CDKL1: variants seen among roughly 807,000 people sequenced by gnomAD.
CDKL1 encodes cyclin-dependent kinase-like 1.
In CDKL1, 41 loss-of-function variants were observed where a neutral mutation model predicts 42.0. The ratio of observed to expected loss-of-function variants is 0.98; its 90% confidence interval spans 0.76 to 1.27. The LOEUF (loss-of-function observed/expected upper bound fraction) is 1.27. Among genes scored for constraint, CDKL1 ranks in the 50% most tolerant of loss-of-function variants. The pLI, the probability that CDKL1 is intolerant of heterozygous loss-of-function variation, is 0.00. For synonymous variants in CDKL1, 153 were observed against 158.6 expected, an observed-to-expected ratio of 0.96 and a Z score of 0.26; for missense variants, 394 against 428.4, an observed-to-expected ratio of 0.92 and a Z score of 0.71.
At chr14:50,344,211 C>T (rs924677228) in intron 4 of CDKL1, among the ~76,000 whole-genome samples, 3 of 152,216 alleles carry the variant, frequency 2.0e-5, no homozygotes, top group East Asian at 1.9e-4. Context: ...CACAGGCTTT[C>T]GATAGGTTGC....
At chr14:50,335,316 AAAAAG>A (rs2033202704) in intron 7 of CDKL1, 7 of 569,204 alleles carry the variant, frequency 1.2e-5, no homozygotes, top group East Asian at 9.2e-5. Context: ...AAAAAAAAAA[AAAAAG>A]GCAGCTCTAA....
At chr14:50,332,226 C>A in intron 9 of CDKL1, 36 bp downstream of exon 9, 1 of 1,614,180 alleles carries the variant, frequency 6.2e-7, no homozygotes, top group Middle Eastern at 1.6e-4. Flanking sequence ...ACTCTCTGTA[C>A]CAGGTGGCAG....
At chr14:50,394,147 C>T (rs770910686) in intron 2 of CDKL1, among the ~76,000 whole-genome samples, 25 of 152,212 alleles carry the variant, frequency 1.6e-4, no homozygotes, top group Admixed American at 5.9e-4. Context: ...TATCTTTCTG[C>T]AAGAAACAGA....
At chr14:50,379,060 C>T (rs980218464) in intron 2 of CDKL1, among the ~76,000 whole-genome samples, 2 of 152,218 alleles carry the variant, frequency 1.3e-5, no homozygotes, top group South Asian at 4.1e-4. Context: ...CCATGTTGGC[C>T]AGTTTGGTAA....
At chr14:50,331,909 A>G in intron 9 of CDKL1, 1 of 892,918 alleles carries the variant, frequency 1.1e-6, no homozygotes, top group East Asian at 2.7e-5. Context: ...CTAAAAGTGT[A>G]CATGATGACA....
chr14:50,388,395 C>T (rs963310659), intron 2 of CDKL1, among the ~76,000 whole-genome samples: 11 of 152,234 alleles, frequency 7.2e-5, no homozygotes, highest in African/African-American at 2.7e-4. Context: ...GACAGTCCTA[C>T]TTCTTAAAGC....
At chr14:50,341,456 T>TGG (rs10598932) in intron 5 of CDKL1, among the ~76,000 whole-genome samples, 58 of 71,594 alleles carry the variant, frequency 8.1e-4, no homozygotes, top group South Asian at 4.7e-3. Flanking sequence ...GGGGAGGGTC[T>TGG]GGGGGGGGGG....
At chr14:50,368,743 C>T (rs1045677041) in intron 2 of CDKL1, among the ~76,000 whole-genome samples, 1 of 152,142 alleles carries the variant, frequency 6.6e-6, no homozygotes, top group Admixed American at 6.5e-5. Context: ...TCTGTGTCGT[C>T]AGCCCTCTGT....
chr14:50,382,919 TAC>T (rs1022820026), intron 2 of CDKL1, among the ~76,000 whole-genome samples: 9 of 130,196 alleles, frequency 6.9e-5, no homozygotes, highest in African/African-American at 2.4e-4. Context: ...TAGTGTGGTT[TAC>T]AGTTTTTTGT....
chr14:50,364,155 G>A (rs549075271), intron 2 of CDKL1, among the ~76,000 whole-genome samples: 15 of 152,282 alleles, frequency 9.9e-5, no homozygotes, highest in East Asian at 5.8e-4. Context: ...ACCTTGCTAC[G>A]TTACTATACA....
chr14:50,387,983 A>C (rs1595376127), intron 2 of CDKL1, among the ~76,000 whole-genome samples: 2 of 151,542 alleles, frequency 1.3e-5, no homozygotes, highest in African/African-American at 2.4e-5. Flanking sequence ...CGCCACCTCC[A>C]CCTCCCGGGT....
chr14:50,334,042 G>GT, intron 8 of CDKL1: 1 of 152,086 alleles, frequency 6.6e-6, no homozygotes, highest in East Asian at 1.9e-4. Context: ...TCTGTTTTGT[G>GT]TAAATTTAGA....
At chr14:50,375,668 G>C (rs1007525776) in intron 2 of CDKL1, among the ~76,000 whole-genome samples, 2 of 152,118 alleles carry the variant, frequency 1.3e-5, no homozygotes, top group African/African-American at 4.8e-5. Flanking sequence ...GTGGTGGCAG[G>C]CACCTGTAAT....
At chr14:50,344,212 G>A (rs944220097) in intron 4 of CDKL1, among the ~76,000 whole-genome samples, 2 of 152,234 alleles carry the variant, frequency 1.3e-5, no homozygotes, top group South Asian at 2.1e-4. Context: ...ACAGGCTTTC[G>A]ATAGGTTGCT....
At chr14:50,369,902 A>AG (rs1472926430) in intron 2 of CDKL1, among the ~76,000 whole-genome samples, 2 of 151,996 alleles carry the variant, frequency 1.3e-5, no homozygotes, top group Non-Finnish European at 2.9e-5. Context: ...TACAGGCGTG[A>AG]GCCACCATGC....
intron 2 of CDKL1, among the ~76,000 whole-genome samples, chr14:50,372,297 T>C (rs1451291700): frequency 5.3e-5 from 8 of 151,898 alleles, no homozygotes; most frequent in Admixed American, 2.0e-4. Flanking sequence ...TCTGTATTTT[T>C]AGTAGAGACA....
At chr14:50,332,798 T>C in intron 8 of CDKL1, 1 of 743,144 alleles carries the variant, frequency 1.3e-6, no homozygotes, top group Non-Finnish European at 2.2e-6. Flanking sequence ...CTAGTGTTTT[T>C]ATTTTAAAAA....
At chr14:50,334,515 G>C in intron 8 of CDKL1, 50 bp downstream of exon 8, 1 of 1,004,982 alleles carries the variant, frequency 1.0e-6, no homozygotes, top group Non-Finnish European at 1.6e-6. Context: ...ATTCCCCAGT[G>C]ATGACAACTG....
intron 7 of CDKL1, among the ~76,000 whole-genome samples, chr14:50,335,212 C>T (rs929306752): frequency 7.5e-6 from 1 of 134,046 alleles, no homozygotes; most frequent in Non-Finnish European, 1.5e-5. Context: ...GGGAGGATGG[C>T]GTGGGTTTGG....
Sources: gnomAD v4.1 joint callset for allele counts (sites outside exome capture counted in the v4.1 genomes callset) on GRCh38, gnomAD v4.1.1 for gene constraint, MANE v1.5 for transcripts, NCBI Gene and HGNC (gene_info 2026-07-23, HGNC 2026-07-21) for gene names.